The following TBXAS1 variants were observed in gnomAD, a reference collection of about 807,000 sequenced individuals.
TBXAS1 encodes thromboxane A synthase 1, also known as thromboxane-A synthase.
A neutral mutation model predicts 60.7 loss-of-function variants in TBXAS1; 48 were observed. That is an observed-to-expected ratio of 0.79 (90% CI 0.63 to 1.01). The LOEUF is 1.01. Among genes scored for constraint, TBXAS1 ranks in the 50% least tolerant of loss-of-function variants. The pLI is 0.00. For synonymous variants in TBXAS1, 287 were observed against 269.7 expected, an observed-to-expected ratio of 1.06 and a Z score of -0.63; for missense variants, 685 against 686.3, an observed-to-expected ratio of 1.00 and a Z score of 0.02.
At chr7:139,979,210 G>A (rs114321011) in intron 9 of TBXAS1, among the ~76,000 whole-genome samples, 229 of 152,278 alleles carry the variant, frequency 1.5e-3, no homozygotes, top group African/African-American at 5.3e-3. Context: ...CTCTGTCACG[G>A]TGATGAGAAG....
chr7:139,973,400 C>T (rs568235990), intron 9 of TBXAS1, among the ~76,000 whole-genome samples: 1 of 152,152 alleles, frequency 6.6e-6, no homozygotes, highest in African/African-American at 2.4e-5. Flanking sequence ...ATCTCAGAGC[C>T]GAGAGAGGAA....
At chr7:139,793,302 C>T (rs970276117) in intron 4 of TBXAS1, among the ~76,000 whole-genome samples, 2 of 152,060 alleles carry the variant, frequency 1.3e-5, no homozygotes, top group African/African-American at 4.8e-5. Flanking sequence ...CTCTTGTAGT[C>T]CCAGCTACTC....
At chr7:139,851,183 C>G (rs1800187184) in intron 1 of TBXAS1, among the ~76,000 whole-genome samples, 1 of 152,226 alleles carries the variant, frequency 6.6e-6, no homozygotes, top group African/African-American at 2.4e-5. Flanking sequence ...TTGATCATCT[C>G]TTAGCTGCAA....
chr7:139,919,941 T>G lies in TBXAS1; in HGVS notation c.333+8620T>G, dbSNP rs145416020. Reference sequence around the variant, plus strand: ...CACTCCCACCCTCCATTCTTTGTCTTGATAGTTCCAGTCCCAGTACAGCAC... The same window carrying G: ...CACTCCCACCCTCCATTCTTTGTCTGGATAGTTCCAGTCCCAGTACAGCAC... On this transcript the variant is annotated intron_variant, in intron 4 of 12. Coordinates refer to ENST00000448866, the MANE Select transcript of TBXAS1 (RefSeq NM_001061.7). 5.3e-3 allele frequency among the ~76,000 whole-genome samples: 811 copies of G among 152,340 alleles called. 6 individuals are homozygous for G. The highest frequency in any genetic ancestry group is 8.2e-3 in the Non-Finnish European group (555 of 68,030).
chr7:139,817,629 T>C (rs1475489430), intron 4 of TBXAS1, among the ~76,000 whole-genome samples: 1 of 152,180 alleles, frequency 6.6e-6, no homozygotes, highest in Non-Finnish European at 1.5e-5. Flanking sequence ...TGGGAATGGG[T>C]ACACTCCAGT....
At position 139,944,685 on chromosome 7, in the gene TBXAS1, C is replaced by T. The variant is rs78797637; in HGVS notation, c.450+8378C>T. Reference sequence around the variant, plus strand: ...CAGGGGCCATGTTATGACATCAAGGCAGCGGTGTCCACTGTGGCTCTTTTG... The same window carrying T: ...CAGGGGCCATGTTATGACATCAAGGTAGCGGTGTCCACTGTGGCTCTTTTG... On this transcript the variant is annotated intron_variant, in intron 5 of 12. Transcript: ENST00000448866. Among the ~76,000 whole-genome samples the T allele has an allele frequency of 6.3e-3, 959 of 152,278 alleles. 13 individuals carry two copies. Among genetic ancestry groups the T allele is most frequent in the South Asian group, 0.039 (190 of 4,820 alleles).
At chr7:139,965,722 G>C (rs1197363477) in intron 9 of TBXAS1, among the ~76,000 whole-genome samples, 1 of 152,112 alleles carries the variant, frequency 6.6e-6, no homozygotes, top group Non-Finnish European at 1.5e-5. Flanking sequence ...CTGGTTGTGG[G>C]GGGGAGTCTC....
intron 4 of TBXAS1, among the ~76,000 whole-genome samples, chr7:139,798,993 C>T (rs977400954): frequency 1.3e-5 from 2 of 152,038 alleles, no homozygotes; most frequent in Admixed American, 6.6e-5. Context: ...AACCAGCCTC[C>T]TTCTCCACCT....
upstream of TBXAS1, among the ~76,000 whole-genome samples, chr7:139,827,224 T>TG (rs1448648252): frequency 6.6e-6 from 1 of 152,214 alleles, no homozygotes. Flanking sequence ...GTAACAAATG[T>TG]ACCTGTGACC....
intron 10 of TBXAS1, among the ~76,000 whole-genome samples, chr7:140,008,724 C>A (rs1408981201): frequency 1.3e-5 from 2 of 152,218 alleles, no homozygotes; most frequent in Non-Finnish European, 2.9e-5. Flanking sequence ...GCTGGGATTA[C>A]AGGCGTGAGC....
intron 1 of TBXAS1, among the ~76,000 whole-genome samples, chr7:139,830,299 C>G (rs1011645421): frequency 1.4e-4 from 21 of 152,132 alleles, no homozygotes; most frequent in African/African-American, 4.6e-4. Flanking sequence ...GGACTGGAGT[C>G]CGAACAGAAT....
chr7:139,962,170 G>C lies in TBXAS1; in HGVS notation c.1071G>C (p.Leu357=). ...CACTTTCTTTTGCCACCTACCTACTGGCCACCAACCCTGACTGCCAAGAGA... is the reference window on the plus strand; with the variant it reads ...CACTTTCTTTTGCCACCTACCTACTCGCCACCAACCCTGACTGCCAAGAGA... The part of the protein sequence containing the change: ...TNTLSFATYL[L]ATNPDCQEKL... The change falls in exon 9 of 13, where the codon CTG becomes CTC. Residue 357 remains leucine (L), a synonymous_variant. Coordinates refer to ENST00000448866, the MANE Select transcript of TBXAS1 (RefSeq NM_001061.7). 1 of 1,614,112 alleles carries C rather than the reference G, an allele frequency of 6.2e-7. No homozygotes were observed. Among genetic ancestry groups the C allele is most frequent in the South Asian group, 1.1e-5 (1 of 91,080 alleles).
chr7:140,009,377 C>T (rs1814342874), intron 10 of TBXAS1, among the ~76,000 whole-genome samples: 1 of 152,296 alleles, frequency 6.6e-6, no homozygotes, highest in Middle Eastern at 3.4e-3. Flanking sequence ...TAAATGGGGA[C>T]ACACACCTGC....
chr7:139,917,157 C>T (rs1428110610), intron 4 of TBXAS1, among the ~76,000 whole-genome samples: 2 of 152,190 alleles, frequency 1.3e-5, no homozygotes, highest in African/African-American at 4.8e-5. Flanking sequence ...TACGGGTCTA[C>T]AGCTCTGAGC....
At chr7:139,921,043 C>T (rs1006128609) in intron 4 of TBXAS1, among the ~76,000 whole-genome samples, 4 of 152,160 alleles carry the variant, frequency 2.6e-5, no homozygotes, top group Non-Finnish European at 5.9e-5. Context: ...AGTGTTCATC[C>T]AGCATTCAAG....
intron 3 of TBXAS1, among the ~76,000 whole-genome samples, chr7:139,907,408 T>C (rs1414573769): frequency 1.3e-5 from 2 of 152,150 alleles, no homozygotes; most frequent in African/African-American, 4.8e-5. Context: ...TCTTTTTATA[T>C]AGTGCTAGAT....
intron 3 of TBXAS1, among the ~76,000 whole-genome samples, chr7:139,888,530 A>G (rs1341911680): frequency 2.0e-5 from 3 of 151,984 alleles, no homozygotes; most frequent in Non-Finnish European, 4.4e-5. Context: ...TTTCCACTAT[A>G]TCACAGGGCA....
At chr7:139,804,395 C>T (rs1464395653) in intron 4 of TBXAS1, among the ~76,000 whole-genome samples, 1 of 152,202 alleles carries the variant, frequency 6.6e-6, no homozygotes, top group African/African-American at 2.4e-5. Flanking sequence ...TTTGATTTTA[C>T]AGGCTCATAG....
At chr7:139,805,678 CTTTCTT>C (rs1797833661) in intron 4 of TBXAS1, among the ~76,000 whole-genome samples, 1 of 21,992 alleles carries the variant, frequency 4.5e-5, no homozygotes, top group Non-Finnish European at 7.8e-5. Context: ...TTCTTTCTTT[CTTTCTT>C]TCTTTCTTTC....
Sources: allele counts gnomAD v4.1 joint callset (sites outside exome capture counted in the v4.1 genomes callset), GRCh38; gene constraint gnomAD v4.1.1; transcripts MANE v1.5; gene names NCBI Gene and HGNC (gene_info 2026-07-23, HGNC 2026-07-21).